CDKAL1: variants seen among roughly 807,000 people sequenced by gnomAD.
CDKAL1 encodes CDKAL1 threonylcarbamoyladenosine tRNA methylthiotransferase.
Under a neutral mutation model 68.2 loss-of-function variants are expected in CDKAL1, and 32 were observed. That is an observed-to-expected ratio of 0.47 (90% CI 0.35 to 0.63). The LOEUF (loss-of-function observed/expected upper bound fraction) is 0.63, where lower values mean the gene tolerates loss of function less well. Among genes scored for constraint, CDKAL1 ranks in the 30% least tolerant of loss-of-function variants. The pLI, the probability that CDKAL1 is intolerant of heterozygous loss-of-function variation, is 0.00. For missense variants in CDKAL1, 606 were observed against 696.7 expected (o/e 0.87, Z 1.47); for synonymous variants, 234 against 244.3 (o/e 0.96, Z 0.39).
intron 9 of CDKAL1, among the ~76,000 whole-genome samples, chr6:20,945,725 G>T (rs7773189): frequency 0.46 from 70,590 of 151,982 alleles, 18,007 homozygotes; most frequent in East Asian, 0.63. Context: ...GAAAAGAAAA[G>T]AAATAAAAGA....
intron 9 of CDKAL1, among the ~76,000 whole-genome samples, chr6:20,856,655 A>AT (rs1759353655): frequency 6.6e-6 from 1 of 152,222 alleles, no homozygotes; most frequent in Non-Finnish European, 1.5e-5. Flanking sequence ...TCTACAAATG[A>AT]TTCTTGTGAC....
chr6:21,081,035 C>T (rs1450970171), intron 12 of CDKAL1, among the ~76,000 whole-genome samples: 1 of 152,142 alleles, frequency 6.6e-6, no homozygotes, highest in Non-Finnish European at 1.5e-5. Flanking sequence ...TTTGAAGAGC[C>T]TTGACTTCAC....
chr6:20,841,165 T>C (rs1778158808), intron 8 of CDKAL1, among the ~76,000 whole-genome samples: 1 of 152,166 alleles, frequency 6.6e-6, no homozygotes, highest in Non-Finnish European at 1.5e-5. Flanking sequence ...TTGAGAAAGA[T>C]CATACTCTAT....
intron 7 of CDKAL1, among the ~76,000 whole-genome samples, chr6:20,762,270 C>T (rs1774502489): frequency 6.6e-6 from 1 of 152,014 alleles, no homozygotes; most frequent in Admixed American, 6.6e-5. Context: ...ATTGTGTGTG[C>T]ATTTGGCTAT....
chr6:20,893,464 G>A (rs866666993), intron 9 of CDKAL1, among the ~76,000 whole-genome samples: 1 of 152,166 alleles, frequency 6.6e-6, no homozygotes, highest in Non-Finnish European at 1.5e-5. Flanking sequence ...TATATGGCTG[G>A]ATTATTCAGG....
rs1004809646 is a variant in CDKAL1 at position 20,758,602 on chromosome 6, A to G, written c.476A>G (p.Gln159Arg). The G allele has an allele frequency of 1.2e-6, 2 of 1,606,066 alleles. No homozygotes were observed. The highest frequency in any genetic ancestry group is 1.7e-6 in the Non-Finnish European group (2 of 1,177,298). Residue 159 changes from glutamine (Q) to arginine (R), a missense_variant, in exon 7 of 16, where the codon CAG becomes CGG. Transcript: ENST00000274695. ...LKGLSIIGVQ[Q>R]IDRVVEVVEE... ...GTTTTTTTTTTTTTCCAGGTTCAGC[A>G]GATAGATCGTGTGGTAGAAGTTGTG...
At chr6:21,146,584 C>T (rs536428423) in intron 13 of CDKAL1, among the ~76,000 whole-genome samples, 1 of 152,228 alleles carries the variant, frequency 6.6e-6, no homozygotes, top group South Asian at 2.1e-4. Flanking sequence ...GGCGTGGTGG[C>T]TCACGCCTGT....
intron 9 of CDKAL1, among the ~76,000 whole-genome samples, chr6:20,879,251 C>G (rs999902811): frequency 1.3e-5 from 2 of 152,184 alleles, no homozygotes; most frequent in Admixed American, 1.3e-4. Context: ...CAAAGTCAGG[C>G]TGCCCCAAAG....
rs755278281 is a variant in CDKAL1 at position 20,548,601 on chromosome 6, C to G, written c.182C>G (p.Pro61Arg). 2.7e-6 allele frequency: 4 copies of G among 1,464,616 alleles called. No individual in the cohort carries two copies. In the South Asian group the frequency reaches 4.6e-5, roughly 17 times the overall value. The allele number at this position is 1,464,616 out of a possible 1,614,324, so 90.7% of individuals were successfully genotyped here. Residue 61 changes from proline (P) to arginine (R), a missense_variant, in exon 4 of 16, where the codon CCA becomes CGA. Transcript: ENST00000274695. ...TATTGATTCCTTAACAGCACTATTC[C>G]AGGCATACAGAAAATTTGGATACGA... ...ENSPPSDSTI[P>R]GIQKIWIRTW...
intron 7 of CDKAL1, among the ~76,000 whole-genome samples, chr6:20,769,438 T>C (rs927902791): frequency 2.0e-5 from 3 of 151,976 alleles, no homozygotes; most frequent in South Asian, 4.2e-4. Context: ...TTTGTATTTT[T>C]AGTAGAGAAG....
At position 21,161,024 on chromosome 6, in the gene CDKAL1, G is replaced by A. The variant is rs552803174; in HGVS notation, c.1300-36997G>A. On this transcript the variant is annotated intron_variant, in intron 13 of 15. Coordinates refer to ENST00000274695, the MANE Select transcript of CDKAL1 (RefSeq NM_017774.3). ...AAAAATAGGGATCAATGGTAATACA[G>A]GAAGCCCCTTTTGTTGGCTGGGGGG... is the stretch of plus-strand genomic sequence containing the variant. Among the ~76,000 whole-genome samples the A allele has an allele frequency of 8.5e-5, 13 of 152,184 alleles. No homozygotes were observed. The South Asian group carries it at 2.7e-3, about 32-fold the overall frequency.
chr6:20,916,604 G>A (rs950143151), intron 9 of CDKAL1, among the ~76,000 whole-genome samples: 3 of 152,174 alleles, frequency 2.0e-5, no homozygotes, highest in African/African-American at 7.2e-5. Context: ...TGCCCTCTTA[G>A]ACACCTCAGT....
intron 4 of CDKAL1, among the ~76,000 whole-genome samples, chr6:20,606,965 A>G (rs1040932871): frequency 1.3e-5 from 2 of 152,142 alleles, no homozygotes; most frequent in African/African-American, 4.8e-5. Context: ...TGTGGTGTTA[A>G]TCTCATTTTA....
At chr6:20,844,148 A>G (rs1481549940) in intron 8 of CDKAL1, among the ~76,000 whole-genome samples, 1 of 152,232 alleles carries the variant, frequency 6.6e-6, no homozygotes, top group Non-Finnish European at 1.5e-5. Context: ...TGAAAGTGAC[A>G]GGTTTAGGAC....
In CDKAL1 at chr6:20,935,832, A is replaced by G. The variant is rs140629711; in HGVS notation, c.743-19587A>G. On this transcript the variant is annotated intron_variant, in intron 9 of 15. Coordinates refer to ENST00000274695, the MANE Select transcript of CDKAL1 (RefSeq NM_017774.3). ...CGATCCTCCCCCTTTGGCCTCCCGA[A>G]GAGCTAGGATTACAGGCATATGGAT... is the stretch of plus-strand genomic sequence containing the variant. 5.5e-3 allele frequency among the ~76,000 whole-genome samples: 839 copies of G among 152,290 alleles called. 8 individuals are homozygous for G. The highest frequency in any genetic ancestry group is 0.019 in the African/African-American group (772 of 41,562).
At chr6:20,920,919 G>A (rs563360802) in intron 9 of CDKAL1, among the ~76,000 whole-genome samples, 1 of 152,282 alleles carries the variant, frequency 6.6e-6, no homozygotes, top group African/African-American at 2.4e-5. Context: ...ACTGCTAAAT[G>A]TGCATGTCTT....
chr6:20,661,539 C>T (rs1769283841), intron 5 of CDKAL1, among the ~76,000 whole-genome samples: 1 of 151,630 alleles, frequency 6.6e-6, no homozygotes. Flanking sequence ...TGCCAGTGAG[C>T]AGTTTTATTG....
intron 10 of CDKAL1, among the ~76,000 whole-genome samples, chr6:20,966,816 G>A (rs1240563933): frequency 6.6e-6 from 1 of 152,122 alleles, no homozygotes; most frequent in Non-Finnish European, 1.5e-5. Context: ...CTGATTGGTG[G>A]AAATTTCAGA....
intron 8 of CDKAL1, among the ~76,000 whole-genome samples, chr6:20,815,539 A>T (rs986985146): frequency 6.6e-6 from 1 of 150,976 alleles, no homozygotes; most frequent in African/African-American, 2.4e-5. Flanking sequence ...TTTGATGGTT[A>T]TCTGTTTTTT....
Sources: gnomAD v4.1 joint callset for allele counts (sites outside exome capture counted in the v4.1 genomes callset) on GRCh38, gnomAD v4.1.1 for gene constraint, MANE v1.5 for transcripts, NCBI Gene and HGNC (gene_info 2026-07-23, HGNC 2026-07-21) for gene names.